The following NGRN variants were observed in gnomAD, a reference collection of about 807,000 sequenced individuals.
NGRN encodes the protein neugrin, neurite outgrowth associated.
A neutral mutation model predicts 13.1 loss-of-function variants in NGRN; 12 were observed. The observed-to-expected ratio is 0.92, with a 90% CI of 0.59 to 1.49. The LOEUF is 1.49. NGRN is among the 40% of genes most tolerant of loss of function. NGRN has a pLI of 0.00. For missense variants in NGRN, 397 were observed against 357.0 expected, an observed-to-expected ratio of 1.11 and a Z score of -0.90; for synonymous variants, 149 against 145.8, an observed-to-expected ratio of 1.02 and a Z score of -0.16.
intron 2 of NGRN, among the ~76,000 whole-genome samples, chr15:90,270,021 C>T (rs1200530642): frequency 6.6e-6 from 1 of 152,190 alleles, no homozygotes; most frequent in Non-Finnish European, 1.5e-5. Flanking sequence ...ATCTTTCTGC[C>T]TATACTTTTG....
In NGRN at chr15:90,265,673, C is replaced by A. The variant is rs1306419174; in HGVS notation, c.-40C>A. ...CGGTCTTACCCGGCTACTTCCGCTG[C>A]TGTTTCGTAGCCGACTGCTGAAGGC... On this transcript the variant is annotated 5_prime_UTR_variant, in exon 1 of 3. It adds an upstream start codon to the 5' untranslated region. Coordinates refer to ENST00000379095, the MANE Select transcript of NGRN (RefSeq NM_001033088.3). 2 of 1,608,712 alleles carry A rather than the reference C, an allele frequency of 1.2e-6. No homozygotes were observed. Among genetic ancestry groups the A allele is most frequent in the South Asian group, 1.1e-5 (1 of 90,896 alleles).
chr15:90,268,660 G>C (rs1413661871), intron 2 of NGRN, among the ~76,000 whole-genome samples: 1 of 152,068 alleles, frequency 6.6e-6, no homozygotes, highest in Non-Finnish European at 1.5e-5. Context: ...TTGTATCACT[G>C]CAATAAAACT....
At position 90,266,165 on chromosome 15, in the gene NGRN, A is replaced by G. The variant is rs368527436; in HGVS notation, c.165-123A>G. On this transcript the variant is annotated intron_variant, in intron 1 of 2. Coordinates refer to ENST00000379095, the MANE Select transcript of NGRN (RefSeq NM_001033088.3). ...TACGGAGCAGCTCTAAGCCGGCAAC[A>G]TGGCCCGGTTGCCCTTGCGATCAAA... 3.1e-4 allele frequency: 463 copies of G among 1,476,326 alleles called. 4 individuals are homozygous for G. In the East Asian group the frequency reaches 8.3e-3, roughly 27 times the overall value. 91.5% of individuals were successfully genotyped at this position (1,476,326 alleles called of 1,614,324 possible). A position where few individuals can be genotyped will look rare whatever the true frequency, so the allele number is the denominator to read the frequency against.
chr15:90,265,910 C>T (rs1472854948), intron 1 of NGRN, 34 bp downstream of exon 1: 2 of 1,467,740 alleles, frequency 1.4e-6, no homozygotes, highest in Non-Finnish European at 1.8e-6. Flanking sequence ...CAGCTTGAAG[C>T]AGGGCCTCGT....
intron 2 of NGRN, among the ~76,000 whole-genome samples, chr15:90,270,188 G>A (rs1333283088): frequency 6.6e-6 from 1 of 152,142 alleles, no homozygotes; most frequent in Admixed American, 6.5e-5. Context: ...GTGCCAGGCT[G>A]TAGGTTGAAC....
chr15:90,272,030 A>AAGCCATCCCGTGTTGCATGTGTTG lies in NGRN; in HGVS notation c.*243_*266dup. The stretch of plus-strand genomic sequence containing the variant: ...CTTGCTTAGGCTCTCTGTGTGTTGA[A>AAGCCATCCCGTGTTGCATGTGTTG]AGCCATCCCGTGTTGCATGTGTTGT... On this transcript the variant is annotated 3_prime_UTR_variant, in exon 3 of 3. Transcript: ENST00000379095. The AAGCCATCCCGTGTTGCATGTGTTG allele has an allele frequency of 2.0e-6, 1 of 506,338 alleles. No individual in the cohort carries two copies. The highest frequency in any genetic ancestry group is 3.5e-6 in the Non-Finnish European group (1 of 287,002). The allele number at this position is 506,338 out of a possible 1,614,324, so 31.4% of individuals were successfully genotyped here.
intron 2 of NGRN, among the ~76,000 whole-genome samples, chr15:90,267,782 T>C (rs1449901547): frequency 6.6e-6 from 1 of 152,266 alleles, no homozygotes; most frequent in African/African-American, 2.4e-5. Flanking sequence ...GTTATATACA[T>C]TCCCAGAAGT....
chr15:90,266,102 A>G (rs1963413916), intron 1 of NGRN, 186 bp from the exon 2 acceptor site: 1 of 1,437,208 alleles, frequency 7.0e-7, no homozygotes, highest in Non-Finnish European at 9.1e-7. Context: ...CGGCATGCTT[A>G]CAGGCAGTTA....
chr15:90,270,537 T>C (rs1963488455), intron 2 of NGRN, among the ~76,000 whole-genome samples: 1 of 152,194 alleles, frequency 6.6e-6, no homozygotes, highest in Non-Finnish European at 1.5e-5. Flanking sequence ...TGGGGTGCTG[T>C]CTTTGCATCC....
intron 2 of NGRN, among the ~76,000 whole-genome samples, chr15:90,269,479 T>C (rs981466325): frequency 6.6e-6 from 1 of 152,144 alleles, no homozygotes; most frequent in African/African-American, 2.4e-5. Flanking sequence ...GATCTTTTTT[T>C]CTTTGTTTCT....
chr15:90,269,132 A>G (rs1340225390), intron 2 of NGRN, among the ~76,000 whole-genome samples: 2 of 146,036 alleles, frequency 1.4e-5, no homozygotes, highest in Non-Finnish European at 3.0e-5. Flanking sequence ...AGTAGATGGA[A>G]TTACAGGTGC....
intron 1 of NGRN, 110 bp from the exon 2 acceptor site, chr15:90,266,178 C>T (rs1963415896): frequency 1.0e-5 from 15 of 1,483,834 alleles, no homozygotes; most frequent in Non-Finnish European, 1.3e-5. Flanking sequence ...GCCCGGTTGC[C>T]CTTGCGATCA....
chr15:90,270,372 T>G (rs1028156488), intron 2 of NGRN, among the ~76,000 whole-genome samples: 1 of 152,236 alleles, frequency 6.6e-6, no homozygotes, highest in African/African-American at 2.4e-5. Context: ...AGCTCTTCAC[T>G]TTATCATCAG....
intron 2 of NGRN, among the ~76,000 whole-genome samples, chr15:90,267,119 C>A (rs1963437114): frequency 6.6e-6 from 1 of 151,612 alleles, no homozygotes; most frequent in Admixed American, 6.6e-5. Flanking sequence ...GCAGCCTCTA[C>A]CTCCTGGGCC....
chr15:90,266,130 T>G, intron 1 of NGRN, 158 bp from the exon 2 acceptor site: 1 of 1,449,758 alleles, frequency 6.9e-7, no homozygotes, highest in Non-Finnish European at 9.1e-7. Context: ...AGGTGTTAGC[T>G]TTCTGGGTGT....
chr15:90,269,162 ATT>A (rs34266380), intron 2 of NGRN, among the ~76,000 whole-genome samples: 131 of 89,608 alleles, frequency 1.5e-3, no homozygotes, highest in African/African-American at 5.3e-3. Context: ...TACCTGGCTA[ATT>A]TTTTTTTTTT....
intron 2 of NGRN, among the ~76,000 whole-genome samples, chr15:90,270,618 T>G (rs1216820189): frequency 6.6e-6 from 1 of 152,176 alleles, no homozygotes; most frequent in African/African-American, 2.4e-5. Flanking sequence ...AATGGGAAGG[T>G]CAGTCCTCCT....
chr15:90,269,834 T>C (rs1963479788), intron 2 of NGRN, among the ~76,000 whole-genome samples: 1 of 152,200 alleles, frequency 6.6e-6, no homozygotes, highest in Admixed American at 6.6e-5. Context: ...ACCTACTGAT[T>C]ACCCAAGCTA....
intron 2 of NGRN, among the ~76,000 whole-genome samples, chr15:90,269,102 T>TGTC (rs1963469752): frequency 6.7e-6 from 1 of 149,214 alleles, no homozygotes; most frequent in Non-Finnish European, 1.5e-5. Context: ...TTCAAGTGAT[T>TGTC]GTCGTGCCTC....
Sources: allele counts gnomAD v4.1 joint callset (sites outside exome capture counted in the v4.1 genomes callset), GRCh38; gene constraint gnomAD v4.1.1; transcripts MANE v1.5; gene names NCBI Gene and HGNC (gene_info 2026-07-23, HGNC 2026-07-21).